ANKRD44: variants seen among roughly 807,000 people sequenced by gnomAD.
ANKRD44 encodes ankyrin repeat domain 44.
Under a neutral mutation model 116.0 loss-of-function variants are expected in ANKRD44, and 35 were observed. The observed-to-expected ratio is 0.30, with a 90% CI of 0.23 to 0.40. The LOEUF is 0.40. Among genes scored for constraint, ANKRD44 ranks in the 10% least tolerant of loss-of-function variants. The probability of loss-of-function intolerance (pLI) is 1.00; values close to 1 mark genes in which losing one functional copy is unlikely to be tolerated. For synonymous variants in ANKRD44, 435 were observed against 461.8 expected (o/e 0.94, Z 0.74); for missense variants, 1,014 against 1,242.6 (o/e 0.82, Z 2.77).
chr2:197,288,926 G>A (rs1341528206), intron 1 of ANKRD44, among the ~76,000 whole-genome samples: 1 of 152,182 alleles, frequency 6.6e-6, no homozygotes, highest in Non-Finnish European at 1.5e-5. Flanking sequence ...AGGATATGAA[G>A]AGAGGTTGGT....
At chr2:197,241,849 A>G (rs1574342607) in intron 1 of ANKRD44, among the ~76,000 whole-genome samples, 1 of 152,174 alleles carries the variant, frequency 6.6e-6, no homozygotes, top group Non-Finnish European at 1.5e-5. Context: ...AACTCTTTAA[A>G]GAGTTCCTCC....
At chr2:197,123,287 C>G (rs1417323739) in intron 6 of ANKRD44, among the ~76,000 whole-genome samples, 2 of 152,286 alleles carry the variant, frequency 1.3e-5, no homozygotes, top group Non-Finnish European at 1.5e-5. Flanking sequence ...TGTATTTGGA[C>G]CCACAAAAAT....
Position 196,978,970 on chromosome 2 carries a change from T to A in ANKRD44, c.2369-11524A>T, listed in dbSNP as rs78593570. Among the ~76,000 whole-genome samples the A allele has an allele frequency of 2.1e-3, 320 of 151,862 alleles. 4 individuals are homozygous for A. Among genetic ancestry groups the A allele is most frequent in the African/African-American group, 7.5e-3 (309 of 41,456 alleles). On this transcript the variant is annotated intron_variant, in intron 21 of 21. Coordinates refer to the ANKRD44 transcript ENST00000424317. ...CATTTTGTTTTCTTTCCAAAATAGA[T>A]ATAGCATAGTCGTAAAGATTATTAA...
At chr2:197,068,083 CCAT>C in intron 16 of ANKRD44, among the ~76,000 whole-genome samples, 1 of 122,928 alleles carries the variant, frequency 8.1e-6, no homozygotes, top group East Asian at 2.4e-4. Context: ...AAATTGGAAA[CCAT>C]CATTCTCAGT....
intron 1 of ANKRD44, among the ~76,000 whole-genome samples, chr2:197,233,209 G>T (rs575811636): frequency 7.6e-4 from 115 of 152,246 alleles, no homozygotes; most frequent in Non-Finnish European, 1.5e-3. Context: ...CTCTAGGACT[G>T]CTTACTCCTG....
rs772057128 is a variant in ANKRD44, at chr2:197,125,358, C to T, written c.550+23G>A. ...TTTAGTTAAGGTTATCTGTACTTTG[C>T]TTTCCATGCATGGAATCCTTACCCA... is the stretch of plus-strand genomic sequence containing the variant. On this transcript the variant is annotated intron_variant, in intron 6 of 27. Coordinates refer to ENST00000282272, the MANE Select transcript of ANKRD44 (RefSeq NM_001195144.2). 1.9e-6 allele frequency: 3 copies of T among 1,606,284 alleles called. No homozygotes were observed. In the South Asian group the frequency reaches 3.3e-5, roughly 18 times the overall value.
intron 14 of ANKRD44, 77 bp downstream of exon 14, chr2:197,083,292 T>C (rs1394168222): frequency 2.0e-6 from 3 of 1,497,560 alleles, no homozygotes; most frequent in African/African-American, 2.8e-5. Context: ...TGAGGCGGTA[T>C]GAAGAAAACT....
chr2:197,204,838 T>C (rs888831934), intron 1 of ANKRD44, among the ~76,000 whole-genome samples: 5 of 152,098 alleles, frequency 3.3e-5, no homozygotes, highest in Non-Finnish European at 7.4e-5. Context: ...ATCTGAAAAA[T>C]GACTATGTGG....
At chr2:197,234,990 G>A (rs1056331805) in intron 1 of ANKRD44, among the ~76,000 whole-genome samples, 9 of 152,192 alleles carry the variant, frequency 5.9e-5, no homozygotes, top group African/African-American at 1.4e-4. Flanking sequence ...CCCTTATTCA[G>A]TGTTAACAGC....
At chr2:197,012,068 A>G (rs78222242) in intron 18 of ANKRD44, among the ~76,000 whole-genome samples, 3,635 of 152,268 alleles carry the variant, frequency 0.024, 66 homozygotes, top group Non-Finnish European at 0.036. Context: ...TTGAAACTCA[A>G]AATATTGGCC....
chr2:197,106,808 T>TA (rs58104989), intron 9 of ANKRD44, among the ~76,000 whole-genome samples: 17,782 of 70,200 alleles, frequency 0.25, 1,244 homozygotes, highest in East Asian at 0.34. Flanking sequence ...ATATATATAT[T>TA]TTTTTTTTTT....
chr2:197,180,048 A>G (rs1242575007), intron 2 of ANKRD44, among the ~76,000 whole-genome samples: 1 of 152,084 alleles, frequency 6.6e-6, no homozygotes, highest in African/African-American at 2.4e-5. Flanking sequence ...AAAAACCATC[A>G]GCTTTCCTCC....
chr2:196,993,792 A>G, intron 26 of ANKRD44, 118 bp from the exon 27 acceptor site: 1 of 758,776 alleles, frequency 1.3e-6, no homozygotes, highest in Non-Finnish European at 2.1e-6. Context: ...TAGTACATGG[A>G]TGTTTTTACT....
At chr2:197,267,128 A>G (rs905273235) in intron 1 of ANKRD44, among the ~76,000 whole-genome samples, 1 of 152,226 alleles carries the variant, frequency 6.6e-6, no homozygotes, top group Non-Finnish European at 1.5e-5. Flanking sequence ...TATTCTAGCT[A>G]TTTTAGGTAG....
chr2:196,991,067 T>C (rs2075906741), intron 27 of ANKRD44: 1 of 762,964 alleles, frequency 1.3e-6, no homozygotes, highest in Non-Finnish European at 1.8e-6. Context: ...AACGAGGAGT[T>C]ACTTCTCACA....
At chr2:197,288,394 T>C (rs2083466713) in intron 1 of ANKRD44, among the ~76,000 whole-genome samples, 1 of 152,076 alleles carries the variant, frequency 6.6e-6, no homozygotes, top group Non-Finnish European at 1.5e-5. Flanking sequence ...ACAACCTCCA[T>C]ACAACCACTA....
At chr2:197,269,458 G>A (rs1055487032) in intron 1 of ANKRD44, among the ~76,000 whole-genome samples, 9 of 152,152 alleles carry the variant, frequency 5.9e-5, no homozygotes, top group African/African-American at 1.9e-4. Flanking sequence ...TCGAGGAACC[G>A]CAGATGACTG....
At chr2:197,263,043 T>C in intron 1 of ANKRD44, 2 of 317,732 alleles carry the variant, frequency 6.3e-6, no homozygotes, top group Non-Finnish European at 1.2e-5. Flanking sequence ...ATAATGCCTC[T>C]TTAAAAGGTG....
At chr2:197,240,791 T>C (rs1166436277) in intron 1 of ANKRD44, among the ~76,000 whole-genome samples, 1 of 145,868 alleles carries the variant, frequency 6.9e-6, no homozygotes, top group Admixed American at 7.0e-5. Context: ...AATAACCAAA[T>C]CTCACAGTTC....
Sources: gnomAD v4.1 joint callset for allele counts (sites outside exome capture counted in the v4.1 genomes callset) on GRCh38, gnomAD v4.1.1 for gene constraint, MANE v1.5 for transcripts, NCBI Gene and HGNC (gene_info 2026-07-23, HGNC 2026-07-21) for gene names.